Variants in PACS1 observed in about 807,000 individuals in gnomAD.
PACS1 encodes the protein phosphofurin acidic cluster sorting protein 1.
A neutral mutation model predicts 115.0 loss-of-function variants in PACS1; 24 were observed. That is an observed-to-expected ratio of 0.21 (90% CI 0.15 to 0.29). PACS1 has a LOEUF of 0.29. PACS1 is among the 10% of genes least tolerant of loss of function. The pLI is 1.00. For missense variants in PACS1, 838 were observed against 1,251.2 expected, an observed-to-expected ratio of 0.67 and a Z score of 4.98; for synonymous variants, 453 against 504.5, an observed-to-expected ratio of 0.90 and a Z score of 1.37.
At chr11:66,202,742 A>AATATATAT (rs56203680) in intron 2 of PACS1, among the ~76,000 whole-genome samples, 77 of 71,520 alleles carry the variant, frequency 1.1e-3, no homozygotes, top group African/African-American at 2.4e-3. Flanking sequence ...AAAAAAAAAA[A>AATATATAT]ATATATATAT....
At chr11:66,195,594 G>T (rs920440250) in intron 2 of PACS1, among the ~76,000 whole-genome samples, 5 of 152,170 alleles carry the variant, frequency 3.3e-5, no homozygotes, top group Non-Finnish European at 7.3e-5. Context: ...AAATATTTAA[G>T]ATTCTATAAT....
chr11:66,242,914 C>T lies in PACS1; in HGVS notation c.2659C>T (p.Pro887Ser). The T allele has an allele frequency of 6.2e-7, 1 of 1,613,960 alleles. No homozygotes were observed. The highest frequency in any genetic ancestry group is 8.5e-7 in the Non-Finnish European group (1 of 1,179,966). The change falls in exon 23 of 24, where the codon CCC becomes TCC. Residue 887 changes from proline to serine, a missense_variant and splice_region_variant. Physicochemically the swap from Pro to Ser is moderately conservative, Grantham distance 74. Transcript: ENST00000320580. Reference sequence around the variant, plus strand: ...AGGTGGCCTTGCTTGCTTTCCAGTTCCCACCATCTTCCTGAGCAAGAAACC... The same window carrying T: ...AGGTGGCCTTGCTTGCTTTCCAGTTTCCACCATCTTCCTGAGCAAGAAACC... ...VVTKEKNKKVPTIFLSKKPRE... is the reference protein window; with the variant it reads ...VVTKEKNKKVSTIFLSKKPRE...
intron 19 of PACS1, among the ~76,000 whole-genome samples, chr11:66,237,861 G>A (rs1292572213): frequency 1.3e-5 from 2 of 152,236 alleles, no homozygotes; most frequent in African/African-American, 4.8e-5. Flanking sequence ...CAAAAGAAGG[G>A]CGCATAGAGA....
At chr11:66,093,960 A>G (rs1412028530) in intron 1 of PACS1, among the ~76,000 whole-genome samples, 2 of 151,702 alleles carry the variant, frequency 1.3e-5, no homozygotes, top group East Asian at 3.9e-4. Flanking sequence ...GGTACATAAC[A>G]AAATGAAGGC....
intron 1 of PACS1, among the ~76,000 whole-genome samples, chr11:66,131,496 GTCT>G (rs2134577795): frequency 6.6e-6 from 1 of 152,292 alleles, no homozygotes; most frequent in South Asian, 2.1e-4. Context: ...TGTTTCAGAT[GTCT>G]TCTTCTGTCC....
chr11:66,127,123 G>A (rs888269615), intron 1 of PACS1, among the ~76,000 whole-genome samples: 1 of 152,204 alleles, frequency 6.6e-6, no homozygotes, highest in Non-Finnish European at 1.5e-5. Flanking sequence ...GCAGGGACTT[G>A]TCCTGACAAG....
At chr11:66,121,113 TA>T (rs770644498) in intron 1 of PACS1, 62 of 454,634 alleles carry the variant, frequency 1.4e-4, no homozygotes, top group South Asian at 9.3e-4. Context: ...GCTTACTTTG[TA>T]TCTCTGTGTC....
intron 19 of PACS1, chr11:66,238,155 T>C (rs1855740905): frequency 1.0e-6 from 1 of 985,172 alleles, no homozygotes; most frequent in South Asian, 4.7e-5. Flanking sequence ...AATTGAAAAT[T>C]CCTAAAGAAC....
intron 1 of PACS1, among the ~76,000 whole-genome samples, chr11:66,155,107 A>G (rs540578959): frequency 2.4e-4 from 36 of 152,370 alleles, no homozygotes; most frequent in South Asian, 1.4e-3. Context: ...ACATTAACCC[A>G]TACCTTATAC....
chr11:66,144,551 G>T (rs1859075366), intron 1 of PACS1, among the ~76,000 whole-genome samples: 1 of 152,192 alleles, frequency 6.6e-6, no homozygotes, highest in South Asian at 2.1e-4. Flanking sequence ...GAGTTGTACG[G>T]CAATCTTTTA....
At chr11:66,241,694 G>A in intron 22 of PACS1, 41 bp downstream of exon 22, 1 of 1,505,770 alleles carries the variant, frequency 6.6e-7, no homozygotes, top group South Asian at 1.1e-5. Flanking sequence ...GGGCCACCAG[G>A]CCTCCCGTCT....
chr11:66,153,515 C>T (rs1261816708), intron 1 of PACS1, among the ~76,000 whole-genome samples: 1 of 152,128 alleles, frequency 6.6e-6, no homozygotes, highest in Non-Finnish European at 1.5e-5. Context: ...GGCGCGGTGG[C>T]TCACGCCTGT....
intron 1 of PACS1, among the ~76,000 whole-genome samples, chr11:66,097,502 C>T (rs1857812139): frequency 6.6e-6 from 1 of 152,174 alleles, no homozygotes; most frequent in Non-Finnish European, 1.5e-5. Flanking sequence ...GGAAACAGAT[C>T]CTATCCCACT....
In PACS1 at chr11:66,243,502, C is replaced by T. The variant is rs1855858923; in HGVS notation, c.*222C>T. The T allele has an allele frequency of 3.5e-6, 2 of 567,362 alleles. No individual in the cohort carries two copies. The highest frequency in any genetic ancestry group is 3.2e-6 in the Non-Finnish European group (1 of 316,486). 35.1% of individuals were successfully genotyped at this position (567,362 alleles called of 1,614,324 possible). On this transcript the variant is annotated 3_prime_UTR_variant, in exon 24 of 24. Coordinates refer to ENST00000320580, the MANE Select transcript of PACS1 (RefSeq NM_018026.4). ...CCTCCTCCTTCCCGCTTTTCCCCTT[C>T]TCCCTCCTGCTCCAGGCCCAAGGCG...
At chr11:66,140,994 A>C (rs781635896) in intron 1 of PACS1, among the ~76,000 whole-genome samples, 6 of 152,190 alleles carry the variant, frequency 3.9e-5, no homozygotes, top group Non-Finnish European at 8.8e-5. Flanking sequence ...TGGTTCTACC[A>C]TAATTTAACT....
At chr11:66,148,238 T>G (rs1859167536) in intron 1 of PACS1, among the ~76,000 whole-genome samples, 1 of 152,190 alleles carries the variant, frequency 6.6e-6, no homozygotes, top group Non-Finnish European at 1.5e-5. Flanking sequence ...TACTGCAGCC[T>G]TGACCTCCTG....
At chr11:66,156,207 TATA>T (rs1565127293) in intron 1 of PACS1, among the ~76,000 whole-genome samples, 95 of 2,104 alleles carry the variant, frequency 0.045, no homozygotes, top group Non-Finnish European at 0.077. Flanking sequence ...TTTTAAATTA[TATA>T]TATATATATA....
At position 66,233,683 on chromosome 11, in the gene PACS1, C is replaced by A; in HGVS notation, c.1839-102C>A. On this transcript the variant is annotated intron_variant, in intron 15 of 23. Coordinates refer to ENST00000320580, the MANE Select transcript of PACS1 (RefSeq NM_018026.4). The surrounding 1 kb of genome is among the most constrained non-coding windows in gnomAD (Gnocchi z 4.5). Reference sequence around the variant, plus strand: ...TTATTTTGTGGATTGGTTTGCTTTTCCCCTGTGGGTTGTTGAGATCACAGA... The same window carrying A: ...TTATTTTGTGGATTGGTTTGCTTTTACCCTGTGGGTTGTTGAGATCACAGA... 1 of 1,145,784 alleles carries A rather than the reference C, an allele frequency of 8.7e-7. No homozygotes were observed. Among genetic ancestry groups the A allele is most frequent in the Non-Finnish European group, 1.2e-6 (1 of 806,106 alleles). 71.0% of individuals were successfully genotyped at this position (1,145,784 alleles called of 1,614,324 possible).
At chr11:66,074,941 G>GT (rs71036269) in intron 1 of PACS1, among the ~76,000 whole-genome samples, 96,495 of 114,048 alleles carry the variant, frequency 0.85, 42,757 homozygotes, top group Non-Finnish European at 0.92. Flanking sequence ...TTTTTTTGGT[G>GT]TTTTTTTTTT....
Sources: gnomAD v4.1 joint callset for allele counts (sites outside exome capture counted in the v4.1 genomes callset) on GRCh38, gnomAD v4.1.1 for gene constraint, Gnocchi (gnomAD v3.1) non-coding constraint, MANE v1.5 for transcripts, NCBI Gene and HGNC (gene_info 2026-07-23, HGNC 2026-07-21) for gene names.